The following MAP4 variants were observed in gnomAD, a reference collection of about 807,000 sequenced individuals.
The protein encoded by MAP4 is microtubule-associated protein 4.
A neutral mutation model predicts 170.2 loss-of-function variants in MAP4; 76 were observed. The observed-to-expected ratio is 0.45, with a 90% confidence interval of 0.37 to 0.54. The LOEUF is 0.54. MAP4 is among the 20% of genes least tolerant of loss of function. MAP4 has a pLI of 0.00. For synonymous variants in MAP4, 909 were observed against 994.5 expected, an observed-to-expected ratio of 0.91 and a Z score of 1.62; for missense variants, 2,506 against 2,748.0, an observed-to-expected ratio of 0.91 and a Z score of 1.97.
At chr3:48,013,642 GAAC>G (rs1459928648) in intron 1 of MAP4, 1 of 148,208 alleles carries the variant, frequency 6.7e-6, no homozygotes, top group Non-Finnish European at 1.5e-5. Flanking sequence ...GTGTGAATAT[GAAC>G]AACTATCATT....
At chr3:48,074,895 A>C (rs946706643) in intron 1 of MAP4, among the ~76,000 whole-genome samples, 1 of 152,044 alleles carries the variant, frequency 6.6e-6, no homozygotes, top group Non-Finnish European at 1.5e-5. Context: ...ACGTTCATGA[A>C]GTGGAAGATC....
intron 1 of MAP4, among the ~76,000 whole-genome samples, chr3:48,060,293 T>TA (rs2100134492): frequency 6.6e-6 from 1 of 151,858 alleles, no homozygotes; most frequent in Non-Finnish European, 1.5e-5. Flanking sequence ...TGCTACAGAA[T>TA]AAAGTCCAAG....
chr3:47,995,445 T>A (rs2100094943), intron 2 of MAP4, among the ~76,000 whole-genome samples: 1 of 152,072 alleles, frequency 6.6e-6, no homozygotes, highest in African/African-American at 2.4e-5. Flanking sequence ...GAGGTATGGT[T>A]TCACCATGTT....
chr3:47,991,501 G>A (rs753257572), intron 2 of MAP4, among the ~76,000 whole-genome samples: 2 of 152,010 alleles, frequency 1.3e-5, no homozygotes, highest in African/African-American at 2.4e-5. Flanking sequence ...TCTGACTGTC[G>A]CTATAAAAAT....
Position 47,870,866 on chromosome 3 carries a change from G to A in MAP4, c.6241C>T (p.Arg2081Cys), listed in dbSNP as rs753398856. 6 of 1,606,796 alleles carry A rather than the reference G, an allele frequency of 3.7e-6. No homozygotes were observed. The highest frequency in any genetic ancestry group is 3.4e-5 in the Admixed American group (2 of 59,502). The change falls in exon 15 of 21, where the codon CGC becomes TGC. Residue 2081 changes from arginine to cysteine, a missense_variant. Coordinates refer to ENST00000683076, the MANE Select transcript of MAP4 (RefSeq NM_001385682.1). ...TTTTCCGTGGAGCCAACCTTGGAGC[G>A]GACATTCTTCAGATCAGGAGCAGAA... ...NTSAPDLKNV[R>C]SKVGSTENIK...
chr3:47,871,189 C>CA (rs759930293), intron 14 of MAP4, 38 bp downstream of exon 14: 34 of 1,613,122 alleles, frequency 2.1e-5, no homozygotes, highest in Non-Finnish European at 2.8e-5. Context: ...GGTGGGGGTT[C>CA]AAGTTAGGGC....
chr3:47,861,386 C>G (rs1011632880), intron 17 of MAP4, among the ~76,000 whole-genome samples: 1 of 146,290 alleles, frequency 6.8e-6, no homozygotes, highest in Non-Finnish European at 1.5e-5. Context: ...CCAAATCTCA[C>G]TTTGTCGCCA....
intron 2 of MAP4, among the ~76,000 whole-genome samples, chr3:47,983,749 G>A (rs1442835600): frequency 6.6e-6 from 1 of 152,006 alleles, no homozygotes; most frequent in Non-Finnish European, 1.5e-5. Context: ...AAACTCCTGG[G>A]CTCAAGTGGT....
chr3:47,909,730 A>T lies in MAP4; in HGVS notation c.4691T>A (p.Val1564Glu), dbSNP rs1321945045. The T allele has an allele frequency of 6.2e-7, 1 of 1,613,956 alleles. No individual in the cohort carries two copies. Among genetic ancestry groups the T allele is most frequent in the Non-Finnish European group, 8.5e-7 (1 of 1,179,888 alleles). ...TTTTGCTAGCTCTGTGACTTTCTCT[A>T]CTGAATGCTTAGACGCACCACTGTG... ...SVHSGASKHS[V>E]EKVTELAKGH... is the part of the protein sequence containing the mutation. The change falls in exon 9 of 21, where the codon GTA (valine) becomes GAA (glutamate). Residue 1564 changes from valine to glutamate, a missense_variant. By Grantham distance (121) the Val-to-Glu change is moderately radical. Coordinates refer to ENST00000683076, the MANE Select transcript of MAP4 (RefSeq NM_001385682.1).
chr3:47,912,065 C>T lies in MAP4; in HGVS notation c.2356G>A (p.Gly786Arg), dbSNP rs918824839. The change falls in exon 9 of 21, where the codon GGA becomes AGA. Residue 786 changes from glycine (G) to arginine (R), a missense_variant. By Grantham distance (125) the Gly-to-Arg change is moderately radical (BLOSUM62 -2). Transcript: ENST00000683076. ...GCATTGTCATCATCCGAAGGTCCTCCAGCCCGTGGTTGAGAATATCTCTTT... is the reference window on the plus strand; with the variant it reads ...GCATTGTCATCATCCGAAGGTCCTCTAGCCCGTGGTTGAGAATATCTCTTT... Reference protein sequence around the residue: ...KQKRYSQPRAGGPSDDDNADK... With the variant: ...KQKRYSQPRARGPSDDDNADK... 1.3e-6 allele frequency: 2 copies of T among 1,536,176 alleles called. No homozygotes were observed. Among genetic ancestry groups the T allele is most frequent in the South Asian group, 1.2e-5 (1 of 84,058 alleles).
intron 3 of MAP4, among the ~76,000 whole-genome samples, chr3:47,967,226 C>T (rs1421410033): frequency 1.3e-5 from 2 of 152,110 alleles, no homozygotes; most frequent in South Asian, 2.1e-4. Flanking sequence ...ATCCCATCTA[C>T]TTGGAAGGCT....
intron 17 of MAP4, among the ~76,000 whole-genome samples, chr3:47,859,557 T>A (rs558299691): frequency 1.3e-5 from 2 of 152,314 alleles, no homozygotes; most frequent in South Asian, 4.1e-4. Flanking sequence ...TTCTTCCCCA[T>A]CCTTCAATGC....
chr3:47,943,609 C>G lies in MAP4; in HGVS notation c.293-15259G>C, dbSNP rs1311138688. On this transcript the variant is annotated intron_variant, in intron 3 of 20. Transcript: ENST00000683076. ...GGTGACAAAACAGGACTCTTTCCCC[C>G]ACTCTCCCCAAAAAAGGCTTCAAAC... 6.6e-5 allele frequency among the ~76,000 whole-genome samples: 10 copies of G among 151,836 alleles called. No homozygotes were observed. The East Asian group carries it at 1.9e-3, about 29-fold the overall frequency.
At chr3:48,056,427 C>A (rs2100131644) in intron 1 of MAP4, among the ~76,000 whole-genome samples, 1 of 87,438 alleles carries the variant, frequency 1.1e-5, no homozygotes, top group Non-Finnish European at 2.4e-5. Flanking sequence ...CCGCCCCGTC[C>A]GGGAGGGAGG....
intron 1 of MAP4, among the ~76,000 whole-genome samples, chr3:48,046,360 A>T (rs2100124580): frequency 6.6e-6 from 1 of 152,244 alleles, no homozygotes; most frequent in Non-Finnish European, 1.5e-5. Flanking sequence ...GATTATTCAC[A>T]GTTAATATGC....
At chr3:48,087,717 ACACACGCACGCG>A (rs1421722785) in intron 1 of MAP4, among the ~76,000 whole-genome samples, 36 of 147,106 alleles carry the variant, frequency 2.4e-4, no homozygotes, top group Middle Eastern at 3.5e-3. Context: ...ACACACACAT[ACACACGCACGCG>A]CACACACACG....
At chr3:48,044,224 G>A (rs1022353126) in intron 1 of MAP4, among the ~76,000 whole-genome samples, 6 of 150,814 alleles carry the variant, frequency 4.0e-5, no homozygotes, top group Middle Eastern at 3.4e-3. Flanking sequence ...GCGCAATCTC[G>A]GTTCACTGTA....
intron 18 of MAP4, among the ~76,000 whole-genome samples, chr3:47,856,342 T>C (rs2056350499): frequency 6.6e-6 from 1 of 152,208 alleles, no homozygotes; most frequent in Non-Finnish European, 1.5e-5. Context: ...GATAGGAGAT[T>C]TCCCAGATAA....
At chr3:48,019,366 A>G (rs992323301), upstream of MAP4, among the ~76,000 whole-genome samples, 1 of 152,152 alleles carries the variant, frequency 6.6e-6, no homozygotes, top group African/African-American at 2.4e-5. Flanking sequence ...AGAAAGAGAG[A>G]AAGATATCAG....
Sources: allele counts gnomAD v4.1 joint callset (sites outside exome capture counted in the v4.1 genomes callset), GRCh38; gene constraint gnomAD v4.1.1; transcripts MANE v1.5; gene names NCBI Gene and HGNC (gene_info 2026-07-23, HGNC 2026-07-21).